MVD: variants seen among roughly 807,000 people sequenced by gnomAD.
The protein encoded by MVD is mevalonate diphosphate decarboxylase.
MVD carries 52 observed loss-of-function variants against 42.4 expected under a neutral mutation model. The ratio of observed to expected loss-of-function variants is 1.23; its 90% CI spans 0.98 to 1.55. MVD has a LOEUF of 1.55. Ranked by LOEUF, MVD falls within the 40% of genes most tolerant of loss-of-function variation. The pLI, the probability that MVD is intolerant of heterozygous loss-of-function variation, is 0.00. For synonymous variants in MVD, 287 were observed against 243.2 expected (o/e 1.18, Z -1.68); for missense variants, 663 against 572.1 (o/e 1.16, Z -1.62).
intron 8 of MVD, among the ~76,000 whole-genome samples, chr16:88,654,049 C>G (rs1907748417): frequency 6.6e-6 from 1 of 152,106 alleles, no homozygotes; most frequent in Non-Finnish European, 1.5e-5. Flanking sequence ...GGGAAGAAAT[C>G]AACAGCCCCG....
intron 1 of MVD, 117 bp from the exon 2 acceptor site, chr16:88,658,837 C>T (rs1190379178): frequency 2.6e-6 from 2 of 777,564 alleles, no homozygotes; most frequent in African/African-American, 3.6e-5. Context: ...TCCCGTCTCT[C>T]ACCGCACAAC....
chr16:88,658,422 A>G (rs1326691143), intron 2 of MVD, among the ~76,000 whole-genome samples: 2 of 152,050 alleles, frequency 1.3e-5, no homozygotes, highest in Non-Finnish European at 2.9e-5. Flanking sequence ...CTTTAGGTAA[A>G]AAAGTACCAA....
chr16:88,655,281 G>A lies in MVD; in HGVS notation c.815C>T (p.Pro272Leu), dbSNP rs764173847. The A allele has an allele frequency of 1.1e-5, 17 of 1,592,436 alleles. No homozygotes were observed. The highest frequency in any genetic ancestry group is 1.6e-4 in the Middle Eastern group (1 of 6,068). Residue 272 changes from proline (P) to leucine (L), a missense_variant, in exon 7 of 10, where the codon CCG becomes CTG. Transcript: ENST00000301012. ...GATGGCATTGAGGTAAGAGATGGGCGGGAAGGTGTCGAGGCAGGTGGCGTG... is the reference window on the plus strand; with the variant it reads ...GATGGCATTGAGGTAAGAGATGGGCAGGAAGGTGTCGAGGCAGGTGGCGTG... ...QFHATCLDTF[P>L]PISYLNAISW...
In MVD at chr16:88,654,558, C is replaced by T. The variant is rs568960628; in HGVS notation, c.1013+134G>A. ...TATGGGGACACCCTGCCCGTGGCTC[C>T]CACACTCGGGGGACTGCTGCCTGCC... On this transcript the variant is annotated intron_variant, in intron 8 of 9. Transcript: ENST00000301012. 49 of 844,838 alleles carry T rather than the reference C, an allele frequency of 5.8e-5. No individual in the cohort carries two copies. The East Asian group carries it at 1.6e-3, about 27-fold the overall frequency. The allele number at this position is 844,838 out of a possible 1,614,324, so 52.3% of individuals were successfully genotyped here. A position where few individuals can be genotyped will look rare whatever the true frequency, so the allele number is the denominator to read the frequency against.
Position 88,653,400 on chromosome 16 carries a change from T to C in MVD, c.1022A>G (p.Lys341Arg). ...AGGGGCCGGCCTCACCTGCAGCCCC[T>C]TCAGAAACCTGGAAAAGCAGGGCAG... The part of the protein sequence containing the change: ...PPGSNGDTFL[K>R]GLQVRPAPLS... Residue 341 changes from lysine to arginine, a missense_variant, in exon 9 of 10, where the codon AAG becomes AGG. Coordinates refer to ENST00000301012, the MANE Select transcript of MVD (RefSeq NM_002461.3). 1 of 1,606,234 alleles carries C rather than the reference T, an allele frequency of 6.2e-7. No individual in the cohort carries two copies. Among genetic ancestry groups the C allele is most frequent in the East Asian group, 2.2e-5 (1 of 44,522 alleles).
intron 2 of MVD, among the ~76,000 whole-genome samples, chr16:88,658,281 G>A (rs1007028029): frequency 1.3e-5 from 2 of 152,284 alleles, no homozygotes; most frequent in East Asian, 3.9e-4. Context: ...GGGAGCCCCT[G>A]GGGCACGGTG....
Position 88,657,845 on chromosome 16 carries a change from G to A in MVD, c.256+70C>T, listed in dbSNP as rs143512789. ...CTGCCTCAGGAGGGGCACAGAGGCAGAAGCACTTTCTGGATGCTCGGACCC... is the reference window on the plus strand; with the variant it reads ...CTGCCTCAGGAGGGGCACAGAGGCAAAAGCACTTTCTGGATGCTCGGACCC... On this transcript the variant is annotated intron_variant, in intron 3 of 9. Transcript: ENST00000301012. The A allele has an allele frequency of 7.7e-4, 1,166 of 1,511,914 alleles. 9 individuals are homozygous for A. In the African/African-American group the frequency reaches 0.014, roughly 19 times the overall value. The allele number at this position is 1,511,914 out of a possible 1,614,324, so 93.7% of individuals were successfully genotyped here.
intron 6 of MVD, 78 bp from the exon 7 acceptor site, chr16:88,655,495 G>C (rs1438398914): frequency 6.6e-7 from 1 of 1,519,132 alleles, no homozygotes; most frequent in Non-Finnish European, 8.8e-7. Flanking sequence ...CTCCGGGGTT[G>C]GAGGCCCGGC....
intron 3 of MVD, 106 bp from the exon 4 acceptor site, chr16:88,657,688 C>A: frequency 6.7e-7 from 1 of 1,491,162 alleles, no homozygotes; most frequent in Non-Finnish European, 9.1e-7. Flanking sequence ...CTCTGCCTGC[C>A]AGACTCCTCG....
At chr16:88,658,083 G>A (rs775789539) in intron 2 of MVD, 54 bp from the exon 3 acceptor site, 4 of 1,546,168 alleles carry the variant, frequency 2.6e-6, no homozygotes, top group Non-Finnish European at 3.6e-6. Context: ...ACCGATGCCA[G>A]CCAGGTACCC....
intron 3 of MVD, 156 bp from the exon 4 acceptor site, chr16:88,657,738 A>G: frequency 7.7e-7 from 1 of 1,300,522 alleles, no homozygotes; most frequent in Non-Finnish European, 1.1e-6. Flanking sequence ...GACTGACCCA[A>G]GCCCAGCTGG....
At chr16:88,655,115 G>A in intron 7 of MVD, 84 bp downstream of exon 7, 2 of 1,456,092 alleles carry the variant, frequency 1.4e-6, no homozygotes, top group South Asian at 1.2e-5. Context: ...CTGCACGCGA[G>A]CCCCGGGGCC....
At chr16:88,661,538 A>T (rs564456771) in intron 1 of MVD, among the ~76,000 whole-genome samples, 21 of 152,042 alleles carry the variant, frequency 1.4e-4, no homozygotes, top group Non-Finnish European at 2.6e-4. Context: ...ATGTGTAATG[A>T]ACTCTCCAAA....
chr16:88,655,160 C>T (rs1280460204), intron 7 of MVD, 39 bp downstream of exon 7: 13 of 1,544,028 alleles, frequency 8.4e-6, no homozygotes, highest in African/African-American at 5.5e-5. Context: ...ACACGCGCTA[C>T]AGCGCGAGCG....
chr16:88,655,855 C>T (rs1907888360), intron 5 of MVD, 125 bp from the exon 6 acceptor site: 5 of 1,247,890 alleles, frequency 4.0e-6, no homozygotes, highest in African/African-American at 1.5e-5. Flanking sequence ...GTGCCACCTG[C>T]CTGACCACAG....
chr16:88,656,782 T>G lies in MVD; in HGVS notation c.404-478A>C, dbSNP rs151269512. On this transcript the variant is annotated intron_variant, in intron 4 of 9. Coordinates refer to ENST00000301012, the MANE Select transcript of MVD (RefSeq NM_002461.3). ...CCAGCAGGGCAACCCCACCTCCAGG[T>G]CTGGTCACCCACCCTGGTCACCGAG... 903 of 253,702 alleles carry G rather than the reference T, an allele frequency of 3.6e-3. 6 individuals carry two copies. The highest frequency in any genetic ancestry group is 0.019 in the African/African-American group (858 of 44,620). 15.7% of individuals were successfully genotyped at this position (253,702 alleles called of 1,614,324 possible). A position where few individuals can be genotyped will look rare whatever the true frequency, so the allele number is the denominator to read the frequency against.
chr16:88,662,548 T>C (rs1315313588), intron 1 of MVD, among the ~76,000 whole-genome samples: 2 of 152,144 alleles, frequency 1.3e-5, no homozygotes, highest in African/African-American at 4.8e-5. Context: ...AGGTTACCGC[T>C]GGGAGAAACG....
rs1360684763 is a variant in MVD at position 88,654,762 on chromosome 16, G to A, written c.943C>T (p.Leu315=). Residue 315 remains leucine (L), a synonymous_variant, in exon 8 of 10, where the codon CTG becomes TTG. Coordinates refer to ENST00000301012, the MANE Select transcript of MVD (RefSeq NM_002461.3). ...DAGPNAVIFT[L]DDTVAEFVAA... is the part of the protein sequence containing the mutation. ...ACAAACTCAGCCACAGTGTCGTCCAGGGTGAAGATCACGGCATTGGGGCCC... is the reference window on the plus strand; with the variant it reads ...ACAAACTCAGCCACAGTGTCGTCCAAGGTGAAGATCACGGCATTGGGGCCC... 2 of 1,599,928 alleles carry A rather than the reference G, an allele frequency of 1.3e-6. No homozygotes were observed. The highest frequency in any genetic ancestry group is 1.8e-5 in the Admixed American group (1 of 55,996).
chr16:88,653,711 G>A (rs1283252579), intron 8 of MVD: 1 of 305,348 alleles, frequency 3.3e-6, no homozygotes, highest in East Asian at 8.6e-5. Flanking sequence ...TGCCCAGGCT[G>A]GACCCACATC....
Sources: gnomAD v4.1 joint callset for allele counts (sites outside exome capture counted in the v4.1 genomes callset) on GRCh38, gnomAD v4.1.1 for gene constraint, MANE v1.5 for transcripts, NCBI Gene and HGNC (gene_info 2026-07-23, HGNC 2026-07-21) for gene names.